MRPS27: variants seen among roughly 807,000 people sequenced by gnomAD.
MRPS27 encodes small ribosomal subunit protein mS27.
In MRPS27, 43 loss-of-function variants were observed where a neutral mutation model predicts 48.9. The ratio of observed to expected loss-of-function variants is 0.88; its 90% CI spans 0.69 to 1.13. The LOEUF is 1.13. MRPS27 is among the 50% of genes most tolerant of loss of function. The pLI, the probability that MRPS27 is intolerant of heterozygous loss-of-function variation, is 0.00. For missense variants in MRPS27, 467 were observed against 476.3 expected, an observed-to-expected ratio of 0.98 and a Z score of 0.18; for synonymous variants, 188 against 171.9, an observed-to-expected ratio of 1.09 and a Z score of -0.73.
intron 5 of MRPS27, 60 bp from the exon 6 acceptor site, chr5:72,234,257 T>C (rs1001942937): frequency 5.4e-6 from 7 of 1,287,302 alleles, no homozygotes; most frequent in Admixed American, 3.6e-5. Flanking sequence ...TAGTCTGTAA[T>C]ATATGCCTAT....
chr5:72,270,193 CAATAATAATAATAATAATAAT>C (rs66874536), intron 4 of MRPS27, among the ~76,000 whole-genome samples: 11 of 140,322 alleles, frequency 7.8e-5, no homozygotes, highest in East Asian at 4.1e-4. Flanking sequence ...AACTCCATCT[CAATAATAATAATAATAATAAT>C]AATAATAATA....
At chr5:72,255,617 T>A (rs2111990319) in intron 4 of MRPS27, among the ~76,000 whole-genome samples, 1 of 152,356 alleles carries the variant, frequency 6.6e-6, no homozygotes. Context: ...ATTATTTTAG[T>A]AACTATGCGA....
intron 4 of MRPS27, among the ~76,000 whole-genome samples, chr5:72,262,451 C>A (rs1749007188): frequency 1.3e-5 from 2 of 152,112 alleles, no homozygotes; most frequent in Non-Finnish European, 2.9e-5. Context: ...GCTCAGCAAA[C>A]AGAATTCAGC....
At chr5:72,223,235 G>A (rs1024395993) in intron 10 of MRPS27, among the ~76,000 whole-genome samples, 2 of 152,182 alleles carry the variant, frequency 1.3e-5, no homozygotes, top group Admixed American at 6.5e-5. Flanking sequence ...TGCCAAAGAT[G>A]AGCAAAGAAA....
At chr5:72,223,528 C>A (rs375616107) in intron 10 of MRPS27, among the ~76,000 whole-genome samples, 155 bp downstream of exon 10, 1 of 152,176 alleles carries the variant, frequency 6.6e-6, no homozygotes, top group South Asian at 2.1e-4. Context: ...CTTTTAAGAC[C>A]ACTTCCTGTG....
At chr5:72,230,221 C>G (rs1748017903) in intron 7 of MRPS27, among the ~76,000 whole-genome samples, 1 of 152,130 alleles carries the variant, frequency 6.6e-6, no homozygotes, top group African/African-American at 2.4e-5. Context: ...ATTGTAGACA[C>G]TATAATGGAC....
chr5:72,221,390 A>T (rs1747738165), intron 10 of MRPS27, among the ~76,000 whole-genome samples: 1 of 152,170 alleles, frequency 6.6e-6, no homozygotes, highest in South Asian at 2.1e-4. Context: ...AGGTGCTGTT[A>T]GCTGTGGTTA....
chr5:72,231,254 C>T (rs751051458), intron 7 of MRPS27, among the ~76,000 whole-genome samples: 2 of 152,076 alleles, frequency 1.3e-5, no homozygotes, highest in Non-Finnish European at 2.9e-5. Flanking sequence ...AGTTTTCTGC[C>T]ACAGGGTATT....
intron 2 of MRPS27, among the ~76,000 whole-genome samples, chr5:72,311,376 C>T (rs1750437390): frequency 1.3e-5 from 2 of 152,178 alleles, no homozygotes; most frequent in Admixed American, 1.3e-4. Context: ...ATGGTAACGA[C>T]AGGTGAACAT....
chr5:72,261,975 G>A (rs1265287542), intron 4 of MRPS27, among the ~76,000 whole-genome samples: 1 of 152,178 alleles, frequency 6.6e-6, no homozygotes, highest in Non-Finnish European at 1.5e-5. Flanking sequence ...TATCAACTGT[G>A]GCAGGATAAA....
intron 2 of MRPS27, among the ~76,000 whole-genome samples, chr5:72,299,952 C>G (rs1485301297): frequency 2.0e-5 from 3 of 152,208 alleles, no homozygotes; most frequent in African/African-American, 7.2e-5. Flanking sequence ...GTCCTCCATT[C>G]TGTTACAAAG....
At chr5:72,318,384 TTC>T (rs565751311) in intron 1 of MRPS27, among the ~76,000 whole-genome samples, 71 of 152,390 alleles carry the variant, frequency 4.7e-4, no homozygotes, top group Middle Eastern at 3.4e-3. Flanking sequence ...TTATCTGTTA[TTC>T]TCTATGCCTT....
At chr5:72,320,107 A>G in intron 1 of MRPS27, 42 bp downstream of exon 1, 1 of 1,597,276 alleles carries the variant, frequency 6.3e-7, no homozygotes, top group East Asian at 2.2e-5. Flanking sequence ...CTTCACCCAA[A>G]AAACAGAATA....
At chr5:72,255,689 T>C (rs189703336) in intron 4 of MRPS27, among the ~76,000 whole-genome samples, 1 of 152,252 alleles carries the variant, frequency 6.6e-6, no homozygotes, top group Admixed American at 6.5e-5. Context: ...GTAAGTATAT[T>C]ATCCACACTT....
chr5:72,267,359 G>T (rs1420710376), intron 4 of MRPS27, among the ~76,000 whole-genome samples: 1 of 152,032 alleles, frequency 6.6e-6, no homozygotes, highest in Non-Finnish European at 1.5e-5. Context: ...ACACAGTCAG[G>T]ATTTTAAATG....
Position 72,231,909 on chromosome 5 carries a change from C to T in MRPS27, c.591+534G>A, listed in dbSNP as rs115289282. ...CATTAATACATTTAAAACAAGAACA[C>T]AGCCTGGTGTAAAGTAAGTGCTACT... is the stretch of plus-strand genomic sequence containing the variant. On this transcript the variant is annotated intron_variant, in intron 7 of 10. Coordinates refer to ENST00000261413, the MANE Select transcript of MRPS27 (RefSeq NM_015084.3). Among the ~76,000 whole-genome samples, 568 of 152,232 alleles carry T rather than the reference C, an allele frequency of 3.7e-3. 1 individual carries two copies. Among genetic ancestry groups the T allele is most frequent in the African/African-American group, 0.013 (552 of 41,556 alleles).
In MRPS27 at chr5:72,223,679, T is replaced by A; in HGVS notation, c.1005+4A>T. The A allele has an allele frequency of 5.6e-6, 9 of 1,613,960 alleles. No individual in the cohort carries two copies. Among genetic ancestry groups the A allele is most frequent in the Non-Finnish European group, 7.6e-6 (9 of 1,179,848 alleles). On this transcript the variant is annotated splice_donor_region_variant and intron_variant, in intron 10 of 10. Coordinates refer to ENST00000261413, the MANE Select transcript of MRPS27 (RefSeq NM_015084.3). ...TAAGAGAGACACGTTCTGCTATGATTCACCTTAAATCGTTCCAGGTATTGA... is the reference window on the plus strand; with the variant it reads ...TAAGAGAGACACGTTCTGCTATGATACACCTTAAATCGTTCCAGGTATTGA...
chr5:72,228,627 A>G lies in MRPS27; in HGVS notation c.592-259T>C, dbSNP rs1432356880. Reference sequence around the variant, plus strand: ...GAGTAATTTTGGTTTTATTCCCTGTATATCTTATTATTTTCCAAAAATTTG... The same window carrying G: ...GAGTAATTTTGGTTTTATTCCCTGTGTATCTTATTATTTTCCAAAAATTTG... On this transcript the variant is annotated intron_variant, in intron 7 of 10. Transcript: ENST00000261413. The G allele has an allele frequency of 1.9e-5, 6 of 317,752 alleles. No homozygotes were observed. The South Asian group carries it at 6.7e-4, about 35-fold the overall frequency. 19.7% of individuals were successfully genotyped at this position (317,752 alleles called of 1,614,324 possible). A position where few individuals can be genotyped will look rare whatever the true frequency, so the allele number is the denominator to read the frequency against.
intron 4 of MRPS27, among the ~76,000 whole-genome samples, chr5:72,266,934 T>C (rs988217255): frequency 1.3e-5 from 2 of 152,054 alleles, no homozygotes; most frequent in Non-Finnish European, 2.9e-5. Context: ...GTAGAAAATA[T>C]GCTGAATTTT....
Sources: allele counts gnomAD v4.1 joint callset (sites outside exome capture counted in the v4.1 genomes callset), GRCh38; gene constraint gnomAD v4.1.1; transcripts MANE v1.5; gene names NCBI Gene and HGNC (gene_info 2026-07-23, HGNC 2026-07-21).